The following STPG2 variants were observed in gnomAD, a reference collection of about 807,000 sequenced individuals.
STPG2 encodes the protein sperm tail PG-rich repeat containing 2.
A neutral mutation model predicts 54.2 loss-of-function variants in STPG2; 56 were observed. The observed-to-expected ratio is 1.03, with a 90% CI of 0.83 to 1.29. The LOEUF (loss-of-function observed/expected upper bound fraction) is 1.29, where lower values mean the gene tolerates loss of function less well. Among genes scored for constraint, STPG2 ranks in the 50% most tolerant of loss-of-function variants. The pLI is 0.00. For missense variants in STPG2, 596 were observed against 544.9 expected (o/e 1.09, Z -0.93); for synonymous variants, 200 against 181.8 (o/e 1.10, Z -0.81).
At chr4:97,846,862 A>G (rs754079660) in intron 8 of STPG2, among the ~76,000 whole-genome samples, 3 of 152,184 alleles carry the variant, frequency 2.0e-5, no homozygotes, top group Non-Finnish European at 4.4e-5. Flanking sequence ...TCAAGTTATG[A>G]AATAAATGTT....
chr4:97,763,174 C>T (rs1725940310), intron 9 of STPG2, among the ~76,000 whole-genome samples: 1 of 152,034 alleles, frequency 6.6e-6, no homozygotes. Context: ...GTGCATAATA[C>T]AGGAATATTT....
At chr4:97,933,840 G>A (rs1732642631) in intron 8 of STPG2, among the ~76,000 whole-genome samples, 2 of 152,046 alleles carry the variant, frequency 1.3e-5, no homozygotes, top group Admixed American at 6.6e-5. Flanking sequence ...TGTCTTGGCT[G>A]TACGGGCTCT....
chr4:98,091,431 T>G (rs1738681141), intron 5 of STPG2, among the ~76,000 whole-genome samples: 1 of 152,096 alleles, frequency 6.6e-6, no homozygotes, highest in Admixed American at 6.5e-5. Context: ...TTGCCTGGAA[T>G]GTTGTACTCC....
intron 4 of STPG2, among the ~76,000 whole-genome samples, chr4:97,473,067 G>A (rs1025869135): frequency 6.6e-6 from 1 of 151,914 alleles, no homozygotes; most frequent in African/African-American, 2.4e-5. Flanking sequence ...TCTTAATCCT[G>A]TCATCTCGTA....
At chr4:97,805,511 T>C (rs1313033097) in intron 9 of STPG2, among the ~76,000 whole-genome samples, 1 of 152,146 alleles carries the variant, frequency 6.6e-6, no homozygotes, top group Non-Finnish European at 1.5e-5. Flanking sequence ...GCACCCAGCC[T>C]GTTCTAATCT....
At chr4:97,797,654 T>A (rs1209776856) in intron 9 of STPG2, among the ~76,000 whole-genome samples, 2 of 152,164 alleles carry the variant, frequency 1.3e-5, no homozygotes, top group African/African-American at 4.8e-5. Flanking sequence ...ATTCTCTTTT[T>A]TTGTTGTGTC....
At chr4:97,725,760 A>G (rs564446288) in intron 9 of STPG2, among the ~76,000 whole-genome samples, 1 of 152,082 alleles carries the variant, frequency 6.6e-6, no homozygotes, top group East Asian at 1.9e-4. Context: ...TAAAAAAGAT[A>G]GAATTCTTCA....
At chr4:97,730,479 T>C (rs981442527) in intron 9 of STPG2, among the ~76,000 whole-genome samples, 2 of 152,186 alleles carry the variant, frequency 1.3e-5, no homozygotes, top group East Asian at 3.9e-4. Context: ...TGCATGTGTT[T>C]TTTTGGTGGA....
At chr4:97,647,600 T>C (rs1375548946) in intron 10 of STPG2, among the ~76,000 whole-genome samples, 1 of 152,098 alleles carries the variant, frequency 6.6e-6, no homozygotes, top group African/African-American at 2.4e-5. Context: ...TCTGTCTATC[T>C]GCTTTCTTGG....
At chr4:97,751,374 G>A (rs1481640221) in intron 9 of STPG2, among the ~76,000 whole-genome samples, 1 of 151,720 alleles carries the variant, frequency 6.6e-6, no homozygotes, top group Non-Finnish European at 1.5e-5. Flanking sequence ...TATTGAAATT[G>A]CTCTTGGGAA....
intron 8 of STPG2, among the ~76,000 whole-genome samples, chr4:97,845,127 T>A (rs963107924): frequency 2.6e-5 from 4 of 152,072 alleles, no homozygotes; most frequent in Non-Finnish European, 4.4e-5. Flanking sequence ...TGAAAAAAAA[T>A]TAATAGCTGA....
intron 10 of STPG2, among the ~76,000 whole-genome samples, chr4:97,660,957 C>G (rs188836559): frequency 6.6e-6 from 1 of 152,166 alleles, no homozygotes; most frequent in African/African-American, 2.4e-5. Flanking sequence ...ACAGTCCTAG[C>G]ATGAATGAGC....
At chr4:97,535,624 T>C (rs544531355) in intron 4 of STPG2, among the ~76,000 whole-genome samples, 1 of 152,302 alleles carries the variant, frequency 6.6e-6, no homozygotes, top group African/African-American at 2.4e-5. Context: ...ACCTCTTTCT[T>C]GTTCTGATGT....
intron 10 of STPG2, among the ~76,000 whole-genome samples, chr4:97,634,335 C>A (rs767820539): frequency 6.6e-6 from 1 of 152,114 alleles, no homozygotes; most frequent in Non-Finnish European, 1.5e-5. Context: ...ACCAAAAACC[C>A]ATCTGTACAT....
intron 4 of STPG2, among the ~76,000 whole-genome samples, chr4:97,522,153 T>C (rs1035452006): frequency 6.6e-6 from 1 of 152,030 alleles, no homozygotes; most frequent in African/African-American, 2.4e-5. Context: ...TAATTACAAA[T>C]ATTAAATTAA....
At position 97,516,438 on chromosome 4, in the gene STPG2, C is replaced by G. The variant is rs143213191; in HGVS notation, c.462+196261G>C. On this transcript the variant is annotated intron_variant, in intron 4 of 4. Coordinates refer to the STPG2 transcript ENST00000522676. ...TCTTTCAATAGCTGTACACTTGGAG[C>G]AAGCTTTAGGAAATATGAGACACAA... Among the ~76,000 whole-genome samples, 909 of 152,118 alleles carry G rather than the reference C, an allele frequency of 6.0e-3. 5 individuals carry two copies. Among genetic ancestry groups the G allele is most frequent in the South Asian group, 0.02 (95 of 4,820 alleles).
chr4:97,446,942 C>T (rs138134404), intron 4 of STPG2, among the ~76,000 whole-genome samples: 2 of 152,136 alleles, frequency 1.3e-5, no homozygotes, highest in African/African-American at 4.8e-5. Context: ...GTGGAAGCAA[C>T]TTTGGAACTG....
chr4:97,764,880 A>G, intron 9 of STPG2, among the ~76,000 whole-genome samples: 1 of 152,128 alleles, frequency 6.6e-6, no homozygotes, highest in East Asian at 1.9e-4. Flanking sequence ...TTTTCTTTGC[A>G]TCCTAGACAT....
intron 5 of STPG2, among the ~76,000 whole-genome samples, chr4:98,021,570 C>T (rs1185024390): frequency 6.6e-6 from 1 of 152,020 alleles, no homozygotes; most frequent in African/African-American, 2.4e-5. Context: ...CCTGGGTATC[C>T]TTGTTAACTT....
Sources: gnomAD v4.1 joint callset for allele counts (sites outside exome capture counted in the v4.1 genomes callset) on GRCh38, gnomAD v4.1.1 for gene constraint, MANE v1.5 for transcripts, NCBI Gene and HGNC (gene_info 2026-07-23, HGNC 2026-07-21) for gene names.